Variants in ADAMTSL5 observed in about 807,000 individuals in gnomAD.
ADAMTSL5 encodes the protein ADAMTS like 5.
A neutral mutation model predicts 51.7 loss-of-function variants in ADAMTSL5; 53 were observed. The observed-to-expected ratio is 1.03, with a 90% CI of 0.82 to 1.29. The LOEUF (loss-of-function observed/expected upper bound fraction) is 1.29. ADAMTSL5 is among the 50% of genes most tolerant of loss of function. The probability of loss-of-function intolerance (pLI) is 0.00; values close to 1 mark genes in which losing one functional copy is unlikely to be tolerated. For synonymous variants in ADAMTSL5, 285 were observed against 278.7 expected (o/e 1.02, Z -0.23); for missense variants, 770 against 676.2 (o/e 1.14, Z -1.54).
rs774416510 is a variant in ADAMTSL5 at position 1,508,496 on chromosome 19, C to G, written c.436G>C (p.Gly146Arg). The part of the protein sequence containing the change: ...FYHSFGRVLD[G>R]TACSPGAQGV... The stretch of plus-strand genomic sequence containing the variant: ...TGGGCACCCGGGCTGCAGGCGGTGC[C>G]GTCCAGGACGCGGCCGAAGCTGTGG... The change falls in exon 6 of 12, where the codon GGC becomes CGC. Residue 146 changes from glycine (G) to arginine (R), a missense_variant. Transcript: ENST00000330475. 15 of 1,586,766 alleles carry G rather than the reference C, an allele frequency of 9.5e-6. No homozygotes were observed. Among genetic ancestry groups the G allele is most frequent in the Middle Eastern group, 3.3e-4 (2 of 6,044 alleles).
In ADAMTSL5 at chr19:1,505,861, G is replaced by A. The variant is rs1912888610; in HGVS notation, c.*154C>T. On this transcript the variant is annotated 3_prime_UTR_variant, in exon 12 of 12. Coordinates refer to ENST00000330475, the MANE Select transcript of ADAMTSL5 (RefSeq NM_213604.3). Reference sequence around the variant, plus strand: ...AGTGGCTTTGACTGCATGCAGAGGTGTCTTAAGCGTGTGTGGGAGGGAGTC... The same window carrying A: ...AGTGGCTTTGACTGCATGCAGAGGTATCTTAAGCGTGTGTGGGAGGGAGTC... The A allele has an allele frequency of 2.0e-6, 2 of 988,814 alleles. No individual in the cohort carries two copies. The highest frequency in any genetic ancestry group is 6.5e-5 in the Admixed American group (2 of 30,888). The allele number at this position is 988,814 out of a possible 1,614,324, so 61.3% of individuals were successfully genotyped here.
At chr19:1,507,100 T>G in intron 9 of ADAMTSL5, 142 bp downstream of exon 9, 1 of 588,068 alleles carries the variant, frequency 1.7e-6, no homozygotes, top group Non-Finnish European at 2.5e-6. Flanking sequence ...CTCCCCCCTC[T>G]GATGCTCTGT....
rs766906066 is a variant in ADAMTSL5, at chr19:1,510,936, G to A, written c.8C>T (p.Ser3Leu). ...GTGGGGCCTGGGGAACAGAGGGGCC[G>A]AGTCCATAGAGCCACCGCCAGAGAC... MD[S>L]APLFPRPHLF... Residue 3 changes from serine to leucine, a missense_variant, in exon 2 of 12, where the codon TCG becomes TTG. By Grantham distance (145) the Ser-to-Leu change is moderately radical (BLOSUM62 -2). Transcript: ENST00000330475. The A allele has an allele frequency of 9.7e-6, 14 of 1,437,188 alleles. No homozygotes were observed. Among genetic ancestry groups the A allele is most frequent in the South Asian group, 3.2e-5 (2 of 62,552 alleles). 89.0% of individuals were successfully genotyped at this position (1,437,188 alleles called of 1,614,324 possible).
rs761551061 is a variant in ADAMTSL5, at chr19:1,507,298, C to G, written c.796G>C (p.Gly266Arg). The G allele has an allele frequency of 1.9e-6, 3 of 1,586,744 alleles. No individual in the cohort carries two copies. The highest frequency in any genetic ancestry group is 2.6e-6 in the Non-Finnish European group (3 of 1,165,976). The part of the protein sequence containing the change: ...GTHVVYTRDT[G>R]PQETLQAAGP... ...GCTGCTTGCAATGTCTCCTGGGGCC[C>G]TGTGTCTCGGGTGTAGACCACATGC... Residue 266 changes from glycine to arginine, a missense_variant, in exon 9 of 12, where the codon GGG becomes CGG. Coordinates refer to ENST00000330475, the MANE Select transcript of ADAMTSL5 (RefSeq NM_213604.3).
At chr19:1,510,565 C>A (rs1218072094) in intron 3 of ADAMTSL5, 74 bp downstream of exon 3, 1 of 1,473,070 alleles carries the variant, frequency 6.8e-7, no homozygotes, top group South Asian at 1.4e-5. Context: ...TGTGGGCAGG[C>A]CGAGGGTGCG....
rs537021435 is a variant in ADAMTSL5 at position 1,511,241 on chromosome 19, G to A, written c.-217-81C>T. On this transcript the variant is annotated intron_variant, in intron 1 of 11. Transcript: ENST00000330475. ...CGCCCAGGCTGGAGTGCAGGGGTGC[G>A]ATCTCGGCTCACTGCAACCCTCCCC... 2.5e-3 allele frequency: 496 copies of A among 196,526 alleles called. 1 individual carries two copies. The highest frequency in any genetic ancestry group is 3.8e-3 in the Non-Finnish European group (369 of 97,536). The allele number at this position is 196,526 out of a possible 1,614,324, so 12.2% of individuals were successfully genotyped here.
At chr19:1,507,969 T>C (rs1021935593) in intron 7 of ADAMTSL5, 29 bp downstream of exon 7, 2 of 1,562,264 alleles carry the variant, frequency 1.3e-6, no homozygotes, top group Non-Finnish European at 1.7e-6. Context: ...CTCTGACGTG[T>C]GTGCAGGGAG....
rs1002330223 is a variant in ADAMTSL5 at position 1,507,890 on chromosome 19, G to C, written c.601+108C>G. Reference sequence around the variant, plus strand: ...AGCCAATCAGGATGAGGAGAAAGGGGGGCTGGGCCGCACACTGGCCAATCA... The same window carrying C: ...AGCCAATCAGGATGAGGAGAAAGGGCGGCTGGGCCGCACACTGGCCAATCA... On this transcript the variant is annotated intron_variant, in intron 7 of 11. Transcript: ENST00000330475. The C allele has an allele frequency of 4.8e-6, 6 of 1,256,554 alleles. No homozygotes were observed. The Admixed American group carries it at 1.1e-4, about 22-fold the overall frequency. 77.8% of individuals were successfully genotyped at this position (1,256,554 alleles called of 1,614,324 possible).
In ADAMTSL5 at chr19:1,508,522, T is replaced by C; in HGVS notation, c.410A>G (p.Tyr137Cys). 1.3e-6 allele frequency: 2 copies of C among 1,585,614 alleles called. No homozygotes were observed. Among genetic ancestry groups the C allele is most frequent in the Non-Finnish European group, 1.7e-6 (2 of 1,173,196 alleles). Reference sequence around the variant, plus strand: ...GTCCAGGACGCGGCCGAAGCTGTGGTAGAAGGCGTGCCCCTCAGCCAGGCA... The same window carrying C: ...GTCCAGGACGCGGCCGAAGCTGTGGCAGAAGGCGTGCCCCTCAGCCAGGCA... The part of the protein sequence containing the change: ...LNCLAEGHAF[Y>C]HSFGRVLDGT... Residue 137 changes from tyrosine to cysteine, a missense_variant, in exon 6 of 12, where the codon TAC (tyrosine) becomes TGC (cysteine). Coordinates refer to ENST00000330475, the MANE Select transcript of ADAMTSL5 (RefSeq NM_213604.3).
chr19:1,506,117 G>A lies in ADAMTSL5; in HGVS notation c.1314C>T (p.Gly438=), dbSNP rs1382867149. The A allele has an allele frequency of 1.9e-6, 3 of 1,607,020 alleles. No homozygotes were observed. In the African/African-American group the frequency reaches 4.0e-5, roughly 21 times the overall value. The change falls in exon 12 of 12, where the codon GGC becomes GGT. Residue 438 remains glycine (G), a synonymous_variant. Coordinates refer to ENST00000330475, the MANE Select transcript of ADAMTSL5 (RefSeq NM_213604.3). This position sits in a 1 kb window ranked among gnomAD's most constrained non-coding sequence, Gnocchi z 5.6. Reference sequence around the variant, plus strand: ...GGGGCAGCAGCAGCTGGTCCTGTGTGCCGTCGGGGCTGACAAGACGCTGGA... The same window carrying A: ...GGGGCAGCAGCAGCTGGTCCTGTGTACCGTCGGGGCTGACAAGACGCTGGA... ...MAVQRLVSPD[G]TQDQLLLPHA...
At position 1,507,671 on chromosome 19, in the gene ADAMTSL5, G is replaced by A. The variant is rs775885533; in HGVS notation, c.602-28C>T. 6 of 1,597,512 alleles carry A rather than the reference G, an allele frequency of 3.8e-6. No individual in the cohort carries two copies. In the Admixed American group the frequency reaches 8.3e-5, roughly 22 times the overall value. Reference sequence around the variant, plus strand: ...GGGTGGGAGGGTAGGAGGGTGTTGGGGTGCCAGTGGGGGTGTATTTGAGCG... The same window carrying A: ...GGGTGGGAGGGTAGGAGGGTGTTGGAGTGCCAGTGGGGGTGTATTTGAGCG... On this transcript the variant is annotated intron_variant, in intron 7 of 11. Coordinates refer to ENST00000330475, the MANE Select transcript of ADAMTSL5 (RefSeq NM_213604.3).
At position 1,510,899 on chromosome 19, in the gene ADAMTSL5, G is replaced by T; in HGVS notation, c.45C>A (p.Asn15Lys). 6.6e-7 allele frequency: 1 copy of T among 1,513,492 alleles called. No individual in the cohort carries two copies. The highest frequency in any genetic ancestry group is 1.4e-5 in the South Asian group (1 of 73,368). The allele number at this position is 1,513,492 out of a possible 1,614,324, so 93.8% of individuals were successfully genotyped here. A position where few individuals can be genotyped will look rare whatever the true frequency, so the allele number is the denominator to read the frequency against. The change falls in exon 2 of 12, where the codon AAC becomes AAA. Residue 15 changes from asparagine (N) to lysine (K), a missense_variant. Asn to Lys is a moderately conservative substitution (Grantham distance 94). Coordinates refer to ENST00000330475, the MANE Select transcript of ADAMTSL5 (RefSeq NM_213604.3). Reference protein sequence around the residue: ...PLFPRPHLFQNLLLFLWALLN... With the variant: ...PLFPRPHLFQKLLLFLWALLN... ...GCAGGGCCCACAGGAAGAGCAGGAG[G>T]TTCTGGAAGAGGTGGGGCCTGGGGA...
Position 1,507,239 on chromosome 19 carries a change from C to T in ADAMTSL5, c.852+3G>A, listed in dbSNP as rs1912985349. The T allele has an allele frequency of 6.5e-7, 1 of 1,528,894 alleles. No homozygotes were observed. The highest frequency in any genetic ancestry group is 8.8e-7 in the Non-Finnish European group (1 of 1,139,744). 94.7% of individuals were successfully genotyped at this position (1,528,894 alleles called of 1,614,324 possible). On this transcript the variant is annotated splice_donor_region_variant and intron_variant, in intron 9 of 11. Coordinates refer to ENST00000330475, the MANE Select transcript of ADAMTSL5 (RefSeq NM_213604.3). The stretch of plus-strand genomic sequence containing the variant: ...TCTGACCCTGTTGGAGGCCCAGTGG[C>T]ACCTGTAGGAGCAGGTCATGGGAGG...
At chr19:1,507,038 C>G in intron 9 of ADAMTSL5, 110 bp from the exon 10 acceptor site, 1 of 1,338,412 alleles carries the variant, frequency 7.5e-7, no homozygotes, top group South Asian at 1.4e-5. Context: ...CCCCCAGCCT[C>G]CCTCCTCTGA....
chr19:1,511,599 G>T, intron 1 of ADAMTSL5: 1 of 726,218 alleles, frequency 1.4e-6, no homozygotes, highest in Non-Finnish European at 2.0e-6. Context: ...CCCCCTCCCC[G>T]CCCTCCCCAC....
In ADAMTSL5 at chr19:1,505,170, G is replaced by A. The variant is rs1157465586; in HGVS notation, c.*845C>T. The A allele has an allele frequency of 6.6e-6, 1 of 152,188 alleles. No individual in the cohort carries two copies. Among genetic ancestry groups the A allele is most frequent in the African/African-American group, 2.4e-5 (1 of 41,406 alleles). The allele number at this position is 152,188 out of a possible 1,614,324, so 9.4% of individuals were successfully genotyped here. On this transcript the variant is annotated 3_prime_UTR_variant, in exon 12 of 12. Coordinates refer to ENST00000330475, the MANE Select transcript of ADAMTSL5 (RefSeq NM_213604.3). Reference sequence around the variant, plus strand: ...ATCGTTTGAGGCCAGTAGTTGGAGAGCAGTGTGGGCAACGTAGCAAGACCC... The same window carrying A: ...ATCGTTTGAGGCCAGTAGTTGGAGAACAGTGTGGGCAACGTAGCAAGACCC...
In ADAMTSL5 at chr19:1,510,791, C is replaced by T. The variant is rs557606087; in HGVS notation, c.99+54G>A. ...GGGGGACGCTGGTGACCCCACACTG[C>T]TGACTGGGTCCCCATTCCCACTCGC... On this transcript the variant is annotated intron_variant, in intron 2 of 11. Coordinates refer to ENST00000330475, the MANE Select transcript of ADAMTSL5 (RefSeq NM_213604.3). 61 of 1,517,842 alleles carry T rather than the reference C, an allele frequency of 4.0e-5. No homozygotes were observed. In the African/African-American group the frequency reaches 6.3e-4, roughly 16 times the overall value. 94.0% of individuals were successfully genotyped at this position (1,517,842 alleles called of 1,614,324 possible).
chr19:1,511,804 C>T (rs1196898731), intron 1 of ADAMTSL5: 2 of 329,048 alleles, frequency 6.1e-6, no homozygotes, highest in Non-Finnish European at 1.2e-5. Context: ...ACCCCGGCCC[C>T]AGGGCTCCCT....
chr19:1,508,327 G>A, intron 6 of ADAMTSL5, 116 bp downstream of exon 6: 1 of 1,318,534 alleles, frequency 7.6e-7, no homozygotes, highest in East Asian at 2.7e-5. Context: ...GGGGAAGGCG[G>A]TGGAGCCTAG....
Sources: gnomAD v4.1 joint callset for allele counts on GRCh38, gnomAD v4.1.1 for gene constraint, Gnocchi (gnomAD v3.1) non-coding constraint, MANE v1.5 for transcripts, NCBI Gene and HGNC (gene_info 2026-07-23, HGNC 2026-07-21) for gene names.